EYS: variants seen among roughly 807,000 people sequenced by gnomAD.
The protein encoded by EYS is protein eyes shut homolog.
In EYS, 250 loss-of-function variants were observed where a neutral mutation model predicts 282.1. The observed-to-expected ratio is 0.89, with a 90% CI of 0.80 to 0.98. EYS has a LOEUF of 0.98. Among genes scored for constraint, EYS ranks in the 50% least tolerant of loss-of-function variants. The pLI is 0.00. For synonymous variants in EYS, 1,355 were observed against 1,282.9 expected, an observed-to-expected ratio of 1.06 and a Z score of -1.20; for missense variants, 4,016 against 3,709.0, an observed-to-expected ratio of 1.08 and a Z score of -2.15.
At chr6:64,881,681 C>T (rs1766924177) in intron 19 of EYS, among the ~76,000 whole-genome samples, 1 of 151,594 alleles carries the variant, frequency 6.6e-6, no homozygotes, top group South Asian at 2.1e-4. Context: ...GTGACATTAG[C>T]AAATAGAAAA....
At chr6:64,892,260 A>C (rs2150066408) in intron 18 of EYS, among the ~76,000 whole-genome samples, 1 of 152,066 alleles carries the variant, frequency 6.6e-6, no homozygotes, top group Non-Finnish European at 1.5e-5. Flanking sequence ...AAGTAGATGT[A>C]TTATTTGTAT....
intron 28 of EYS, among the ~76,000 whole-genome samples, chr6:64,425,658 A>G (rs1454359938): frequency 8.3e-5 from 6 of 71,940 alleles, no homozygotes; most frequent in African/African-American, 3.5e-4. Flanking sequence ...CCATCCCAGG[A>G]AAAAAAAAAA....
rs546060226 is a variant in EYS, at chr6:65,424,729, A to C, written c.863-19362T>G. ...CTGGTATCCAGATGATGTGTGTTAC[A>C]TTAACTGAGGCATGTACCGGTTAAT... On this transcript the variant is annotated intron_variant, in intron 5 of 42. Coordinates refer to ENST00000503581, the MANE Select transcript of EYS (RefSeq NM_001142800.2). Among the ~76,000 whole-genome samples the C allele has an allele frequency of 2.0e-5, 3 of 152,186 alleles. No homozygotes were observed. In the South Asian group the frequency reaches 6.2e-4, roughly 32 times the overall value.
At chr6:65,276,175 C>T (rs1315712684) in intron 12 of EYS, among the ~76,000 whole-genome samples, 1 of 152,030 alleles carries the variant, frequency 6.6e-6, no homozygotes, top group Non-Finnish European at 1.5e-5. Context: ...GTGATAATAT[C>T]TCACAAGAGG....
At chr6:64,034,737 T>C (rs1770027633) in intron 33 of EYS, among the ~76,000 whole-genome samples, 1 of 152,076 alleles carries the variant, frequency 6.6e-6, no homozygotes, top group East Asian at 1.9e-4. Flanking sequence ...GAAGCAGAGT[T>C]ATTAGGCCAG....
intron 35 of EYS, among the ~76,000 whole-genome samples, chr6:63,930,787 C>T (rs953197048): frequency 1.3e-5 from 2 of 152,080 alleles, no homozygotes; most frequent in African/African-American, 4.8e-5. Context: ...TCGGTCACCA[C>T]AGGCATAAAT....
At chr6:64,801,360 G>C (rs1015315554) in intron 22 of EYS, among the ~76,000 whole-genome samples, 4 of 152,000 alleles carry the variant, frequency 2.6e-5, no homozygotes, top group African/African-American at 7.2e-5. Flanking sequence ...ATCATTCTAA[G>C]AATTGCTAAA....
chr6:65,280,846 C>T (rs1324887656), intron 12 of EYS, among the ~76,000 whole-genome samples: 5 of 138,614 alleles, frequency 3.6e-5, no homozygotes, highest in African/African-American at 1.0e-4. Flanking sequence ...AGTGAAACCC[C>T]GTCTGTACTA....
intron 30 of EYS, among the ~76,000 whole-genome samples, chr6:64,280,204 T>C (rs1428309277): frequency 6.6e-6 from 1 of 152,192 alleles, no homozygotes; most frequent in Non-Finnish European, 1.5e-5. Flanking sequence ...TATGTCATTA[T>C]AGATAAAAAT....
At chr6:64,369,194 CTTGT>C (rs1264672918) in intron 29 of EYS, among the ~76,000 whole-genome samples, 3 of 152,010 alleles carry the variant, frequency 2.0e-5, no homozygotes, top group African/African-American at 7.2e-5. Context: ...TTCCCTATTA[CTTGT>C]TTATGTCAGT....
intron 31 of EYS, among the ~76,000 whole-genome samples, chr6:64,196,808 T>C (rs1765303655): frequency 6.6e-6 from 1 of 151,468 alleles, no homozygotes; most frequent in Non-Finnish European, 1.5e-5. Flanking sequence ...GATGAGTTAA[T>C]GGGTGCAGCA....
chr6:64,125,177 G>GCGCGCGCGCTCT (rs1562213606), intron 31 of EYS, among the ~76,000 whole-genome samples: 1 of 134,324 alleles, frequency 7.4e-6, no homozygotes, highest in African/African-American at 2.9e-5. Flanking sequence ...TCTCTCTCTC[G>GCGCGCGCGCTCT]CTCTCTCTCT....
intron 19 of EYS, among the ~76,000 whole-genome samples, chr6:64,837,684 GAT>G (rs35119556): frequency 1.4e-5 from 2 of 141,120 alleles, no homozygotes; most frequent in Admixed American, 7.2e-5. Context: ...ATATATATAG[GAT>G]ATATATATAT....
chr6:64,780,923 A>C (rs902751871), intron 22 of EYS, among the ~76,000 whole-genome samples: 3 of 152,224 alleles, frequency 2.0e-5, no homozygotes, highest in Admixed American at 1.3e-4. Context: ...CTCAAATAAC[A>C]GTCTAATGTG....
At chr6:65,106,851 C>A (rs1775054683) in intron 12 of EYS, among the ~76,000 whole-genome samples, 1 of 151,942 alleles carries the variant, frequency 6.6e-6, no homozygotes, top group Non-Finnish European at 1.5e-5. Flanking sequence ...TTGCTATGAA[C>A]TGTGAAGGGT....
chr6:65,234,785 G>A (rs1766882337), intron 12 of EYS, among the ~76,000 whole-genome samples: 1 of 152,180 alleles, frequency 6.6e-6, no homozygotes, highest in Admixed American at 6.6e-5. Flanking sequence ...GCCTCTGTGA[G>A]ATATGTTGAT....
At chr6:64,741,610 T>C (rs1772374664) in intron 22 of EYS, among the ~76,000 whole-genome samples, 1 of 152,246 alleles carries the variant, frequency 6.6e-6, no homozygotes, top group South Asian at 2.1e-4. Context: ...AAATCTGTTA[T>C]TTGGTTAATC....
At chr6:65,457,235 G>A (rs575882617) in intron 5 of EYS, among the ~76,000 whole-genome samples, 3 of 152,120 alleles carry the variant, frequency 2.0e-5, no homozygotes, top group East Asian at 1.9e-4. Context: ...GCACAAACAC[G>A]GCTCTTAAAG....
At chr6:65,165,676 T>C (rs537099311) in intron 12 of EYS, among the ~76,000 whole-genome samples, 1 of 151,230 alleles carries the variant, frequency 6.6e-6, no homozygotes, top group East Asian at 2.0e-4. Flanking sequence ...ACTGAAGTTC[T>C]CCCCAGAAAG....
Sources: allele counts gnomAD v4.1 joint callset (sites outside exome capture counted in the v4.1 genomes callset), GRCh38; gene constraint gnomAD v4.1.1; transcripts MANE v1.5; gene names NCBI Gene and HGNC (gene_info 2026-07-23, HGNC 2026-07-21).